The following C9orf85 variants were observed in gnomAD, a reference collection of about 807,000 sequenced individuals.
The protein encoded by C9orf85 is uncharacterized protein C9orf85.
In C9orf85, 16 loss-of-function variants were observed where a neutral mutation model predicts 14.9. That is an observed-to-expected ratio of 1.08 (90% confidence interval 0.73 to 1.63). The LOEUF is 1.63. Ranked by LOEUF, C9orf85 falls within the 40% of genes most tolerant of loss-of-function variation. C9orf85 has a pLI of 0.00. For missense variants in C9orf85, 172 were observed against 186.1 expected (o/e 0.92, Z 0.44); for synonymous variants, 45 against 56.8 (o/e 0.79, Z 0.93).
intron 2 of C9orf85, among the ~76,000 whole-genome samples, chr9:71,954,145 A>G (rs1451500499): frequency 1.3e-5 from 2 of 151,506 alleles, no homozygotes; most frequent in Non-Finnish European, 2.9e-5. Flanking sequence ...ATTTTACATA[A>G]GTTGAGTCAA....
intron 3 of C9orf85, among the ~76,000 whole-genome samples, chr9:71,972,082 TAAA>T (rs1425941926): frequency 2.0e-5 from 3 of 151,864 alleles, no homozygotes; most frequent in African/African-American, 7.3e-5. Context: ...ATCATTACAA[TAAA>T]AGTGAAACTA....
chr9:71,915,115 A>G (rs1250986362), intron 1 of C9orf85, among the ~76,000 whole-genome samples: 1 of 152,100 alleles, frequency 6.6e-6, no homozygotes, highest in Non-Finnish European at 1.5e-5. Context: ...ATACTGGGTT[A>G]GTACTATCTC....
At chr9:71,985,864 TGAG>T (rs554694124), downstream of C9orf85, 13 of 152,312 alleles carry the variant, frequency 8.5e-5, no homozygotes, top group African/African-American at 2.2e-4. Flanking sequence ...TGGATATGGA[TGAG>T]GAGGAGGAAA....
intron 2 of C9orf85, among the ~76,000 whole-genome samples, chr9:71,966,580 A>G (rs1163436682): frequency 6.6e-6 from 1 of 152,212 alleles, no homozygotes; most frequent in African/African-American, 2.4e-5. Context: ...AAAAGGATGT[A>G]CAAATTTTAT....
intron 1 of C9orf85, among the ~76,000 whole-genome samples, chr9:71,935,646 A>AG: frequency 6.6e-6 from 1 of 152,030 alleles, no homozygotes; most frequent in East Asian, 1.9e-4. Flanking sequence ...AAAAAAAAAA[A>AG]GACAAATACT....
chr9:71,913,455 A>G (rs1285766460), intron 1 of C9orf85, among the ~76,000 whole-genome samples: 1 of 152,206 alleles, frequency 6.6e-6, no homozygotes, highest in African/African-American at 2.4e-5. Flanking sequence ...GTGAAGGGCA[A>G]CACAGCTCAG....
intron 1 of C9orf85, among the ~76,000 whole-genome samples, chr9:71,942,445 C>A (rs1821956430): frequency 6.6e-6 from 1 of 152,212 alleles, no homozygotes; most frequent in Admixed American, 6.5e-5. Context: ...AGTGCACTTT[C>A]CAGCTGCACT....
chr9:71,937,243 G>A (rs1397001144), intron 1 of C9orf85, among the ~76,000 whole-genome samples: 2 of 152,188 alleles, frequency 1.3e-5, no homozygotes, highest in Admixed American at 6.5e-5. Flanking sequence ...AAAAGGTACT[G>A]CCACAGCATG....
chr9:71,974,466 CT>C (rs1822967578), downstream of C9orf85, among the ~76,000 whole-genome samples: 1 of 152,080 alleles, frequency 6.6e-6, no homozygotes, highest in Admixed American at 6.6e-5. Context: ...TGGTCTCGAA[CT>C]CCTGGCCTCA....
intron 1 of C9orf85, among the ~76,000 whole-genome samples, chr9:71,930,615 G>C (rs1039045892): frequency 6.7e-6 from 1 of 150,012 alleles, no homozygotes; most frequent in African/African-American, 2.5e-5. Context: ...GGGCAACATA[G>C]TGACATAGTG....
chr9:71,981,412 GACTAAAA>G (rs1015392209), intron 3 of C9orf85, among the ~76,000 whole-genome samples: 171 of 152,288 alleles, frequency 1.1e-3, no homozygotes, highest in African/African-American at 3.9e-3. Context: ...TTGCAGAGAT[GACTAAAA>G]ACATCATGGA....
intron 2 of C9orf85, among the ~76,000 whole-genome samples, chr9:71,968,099 T>TAG (rs140604366): frequency 0.018 from 2,341 of 130,374 alleles, 35 homozygotes; most frequent in African/African-American, 0.033. Flanking sequence ...TATATATATA[T>TAG]ATAGAGAGAG....
intron 2 of C9orf85, among the ~76,000 whole-genome samples, chr9:71,968,925 T>C (rs1271120537): frequency 2.0e-5 from 3 of 152,078 alleles, no homozygotes; most frequent in Admixed American, 2.0e-4. Context: ...GTGAGCAGTT[T>C]CGGCAGGAAA....
At chr9:71,950,247 C>CCATT (rs1307820069) in intron 2 of C9orf85, among the ~76,000 whole-genome samples, 1 of 152,192 alleles carries the variant, frequency 6.6e-6, no homozygotes, top group African/African-American at 2.4e-5. Flanking sequence ...GGATTTGAAT[C>CCATT]CATTGCTTAT....
At chr9:71,940,877 A>G (rs534883436) in intron 1 of C9orf85, among the ~76,000 whole-genome samples, 1 of 152,348 alleles carries the variant, frequency 6.6e-6, no homozygotes, top group South Asian at 2.1e-4. Flanking sequence ...ATTCACCAAT[A>G]AAAAGGAATG....
chr9:71,977,377 G>A (rs1025261377), downstream of C9orf85, among the ~76,000 whole-genome samples: 8 of 152,180 alleles, frequency 5.3e-5, no homozygotes, highest in Admixed American at 2.6e-4. Context: ...GGCAAAAAGA[G>A]AAAGATCAGT....
chr9:71,913,756 G>A (rs1827576724), intron 1 of C9orf85, among the ~76,000 whole-genome samples: 1 of 146,310 alleles, frequency 6.8e-6, no homozygotes, highest in Non-Finnish European at 1.6e-5. Context: ...CTATAGTGTA[G>A]CTTCTCCTAC....
chr9:71,926,559 C>T (rs1827933114), intron 1 of C9orf85, among the ~76,000 whole-genome samples: 1 of 149,790 alleles, frequency 6.7e-6, no homozygotes, highest in South Asian at 2.1e-4. Context: ...AAACCCGAAA[C>T]CCGAAGTATC....
At chr9:71,934,196 TAGAC>T (rs60808267) in intron 1 of C9orf85, among the ~76,000 whole-genome samples, 142,126 of 151,948 alleles carry the variant, frequency 0.94, 67,129 homozygotes, top group East Asian at 1. Context: ...ATACAAAAAT[TAGAC>T]AGGTGTTGTG....
Sources: gnomAD v4.1 joint callset for allele counts (sites outside exome capture counted in the v4.1 genomes callset) on GRCh38, gnomAD v4.1.1 for gene constraint, MANE v1.5 for transcripts, NCBI Gene and HGNC (gene_info 2026-07-23, HGNC 2026-07-21) for gene names.